The following EXD2 variants were observed in gnomAD, a reference collection of about 807,000 sequenced individuals.
EXD2 encodes exonuclease 3'-5' domain-containing protein 2.
A neutral mutation model predicts 62.5 loss-of-function variants in EXD2; 40 were observed. The observed-to-expected ratio is 0.64, with a 90% CI of 0.50 to 0.83. The LOEUF is 0.83. Among genes scored for constraint, EXD2 ranks in the 40% least tolerant of loss-of-function variants. The probability of loss-of-function intolerance (pLI) is 0.00; values close to 1 mark genes in which losing one functional copy is unlikely to be tolerated. For missense variants in EXD2, 671 were observed against 761.8 expected, an observed-to-expected ratio of 0.88 and a Z score of 1.40; for synonymous variants, 239 against 291.9, an observed-to-expected ratio of 0.82 and a Z score of 1.85.
intron 1 of EXD2, among the ~76,000 whole-genome samples, chr14:69,199,666 T>C (rs2042323674): frequency 6.6e-6 from 1 of 152,134 alleles, no homozygotes; most frequent in South Asian, 2.1e-4. Context: ...ACATTCATGT[T>C]AGCTTAGACA....
Position 69,243,194 on chromosome 14 carries a change from A to C in EXD2, c.*2094A>C, listed in dbSNP as rs900468126. ...CTTTGAACTTTAGCAGGCTTTTCCT[A>C]AGACTGACAATTGTCGTCTTAAATC... On this transcript the variant is annotated 3_prime_UTR_variant, in exon 10 of 10. Transcript: ENST00000685843. 1 of 152,206 alleles carries C rather than the reference A, an allele frequency of 6.6e-6. No homozygotes were observed. The highest frequency in any genetic ancestry group is 6.5e-5 in the Admixed American group (1 of 15,274). 9.4% of individuals were successfully genotyped at this position (152,206 alleles called of 1,614,324 possible).
At chr14:69,204,541 A>G (rs2140214824) in intron 2 of EXD2, among the ~76,000 whole-genome samples, 1 of 152,250 alleles carries the variant, frequency 6.6e-6, no homozygotes, top group African/African-American at 2.4e-5. Context: ...TGGGCAACAG[A>G]GTGAAACTCT....
intron 1 of EXD2, among the ~76,000 whole-genome samples, chr14:69,200,717 A>C (rs905413445): frequency 1.3e-5 from 2 of 151,760 alleles, no homozygotes; most frequent in African/African-American, 4.8e-5. Context: ...TCCAAAAAAA[A>C]AAAGGCTAAA....
chr14:69,200,078 T>A (rs1195413179), intron 1 of EXD2, among the ~76,000 whole-genome samples: 1 of 152,174 alleles, frequency 6.6e-6, no homozygotes, highest in Non-Finnish European at 1.5e-5. Context: ...CACTAGGCAA[T>A]AGGAATTTTT....
At chr14:69,237,137 AC>A (rs1354402138) in intron 8 of EXD2, among the ~76,000 whole-genome samples, 4 of 152,218 alleles carry the variant, frequency 2.6e-5, no homozygotes, top group Admixed American at 1.3e-4. Flanking sequence ...ATAATGATGA[AC>A]CTGGTGAACC....
At chr14:69,192,146 A>G (rs970505458) in intron 1 of EXD2, 1 of 152,154 alleles carries the variant, frequency 6.6e-6, no homozygotes, top group Non-Finnish European at 1.5e-5. Context: ...GATGGATCAA[A>G]ACTAAGAACC....
chr14:69,220,258 T>TTTG (rs2043131661), intron 3 of EXD2, among the ~76,000 whole-genome samples: 12 of 31,210 alleles, frequency 3.8e-4, no homozygotes, highest in African/African-American at 8.7e-4. Context: ...TCTCTGTTTT[T>TTTG]TTTTTTTTTT....
intron 1 of EXD2, among the ~76,000 whole-genome samples, chr14:69,201,223 C>A (rs555316434): frequency 2.0e-5 from 3 of 152,020 alleles, no homozygotes; most frequent in Admixed American, 2.0e-4. Flanking sequence ...GAGTCTTACT[C>A]TGTCCCCCAG....
intron 3 of EXD2, 127 bp from the exon 4 acceptor site, chr14:69,228,689 A>G: frequency 1.6e-6 from 2 of 1,285,760 alleles, no homozygotes; most frequent in Non-Finnish European, 2.1e-6. Flanking sequence ...GATGCAAACC[A>G]AAACCTGGTC....
intron 1 of EXD2, among the ~76,000 whole-genome samples, chr14:69,194,794 GATT>G (rs1317367353): frequency 3.3e-5 from 5 of 152,140 alleles, no homozygotes; most frequent in Admixed American, 6.5e-5. Context: ...ACTCCATCAT[GATT>G]ATTATTTTAT....
chr14:69,228,877 T>G lies in EXD2; in HGVS notation c.395T>G (p.Leu132Arg). The change falls in exon 4 of 10, where the codon CTG becomes CGG. Residue 132 changes from leucine to arginine, a missense_variant. Physicochemically the swap from Leu to Arg is moderately radical, Grantham distance 102. Transcript: ENST00000685843. Reference sequence around the variant, plus strand: ...CTACAAATGGCCTCCCCAAGTGGCCTGTGTGTCTTGGTTCGCCTGCCCAAG... The same window carrying G: ...CTACAAATGGCCTCCCCAAGTGGCCGGTGTGTCTTGGTTCGCCTGCCCAAG... The part of the protein sequence containing the change: ...SLLQMASPSG[L>R]CVLVRLPKLI... The G allele has an allele frequency of 1.2e-6, 2 of 1,614,202 alleles. No individual in the cohort carries two copies. The highest frequency in any genetic ancestry group is 3.3e-4 in the Middle Eastern group (2 of 6,062).
intron 7 of EXD2, 43 bp downstream of exon 7, chr14:69,236,195 T>C: frequency 6.4e-7 from 1 of 1,565,014 alleles, no homozygotes; most frequent in Non-Finnish European, 8.8e-7. Flanking sequence ...ATTAGGTGCA[T>C]TGGATGCTGG....
chr14:69,194,219 A>T (rs1594711048), intron 1 of EXD2, among the ~76,000 whole-genome samples: 2 of 149,730 alleles, frequency 1.3e-5, no homozygotes, highest in South Asian at 2.1e-4. Flanking sequence ...GCTCACTGCA[A>T]CCTCTGCCTC....
Position 69,237,618 on chromosome 14 carries a change from G to A in EXD2, c.1336G>A (p.Glu446Lys), listed in dbSNP as rs753418619. Residue 446 changes from glutamate to lysine, a missense_variant, in exon 9 of 10, where the codon GAG becomes AAG. Glu to Lys is a moderately conservative substitution (Grantham distance 56). Coordinates refer to ENST00000685843, the MANE Select transcript of EXD2 (RefSeq NM_001193360.2). ...TGAGTACCGGAAGCACTTCCCCATCGAGATGAAGGACCACAACTCCCACGA... is the reference window on the plus strand; with the variant it reads ...TGAGTACCGGAAGCACTTCCCCATCAAGATGAAGGACCACAACTCCCACGA... ...PHEYRKHFPI[E>K]MKDHNSHDVL... 7.4e-6 allele frequency: 12 copies of A among 1,613,986 alleles called. No individual in the cohort carries two copies. The highest frequency in any genetic ancestry group is 1.6e-4 in the Middle Eastern group (1 of 6,084).
intron 1 of EXD2, among the ~76,000 whole-genome samples, chr14:69,193,055 T>TCA (rs1205584218): frequency 6.8e-6 from 1 of 146,426 alleles, no homozygotes; most frequent in Non-Finnish European, 1.5e-5. Flanking sequence ...CTCCATTCTC[T>TCA]CTCTCTTTTT....
chr14:69,202,847 G>T (rs977961518), intron 1 of EXD2, among the ~76,000 whole-genome samples: 19 of 152,120 alleles, frequency 1.2e-4, no homozygotes, highest in African/African-American at 4.6e-4. Context: ...AAGGATTTTT[G>T]ATTTAAGTAC....
At chr14:69,240,847 G>T in intron 9 of EXD2, 37 bp from the exon 10 acceptor site, 1 of 1,589,782 alleles carries the variant, frequency 6.3e-7, no homozygotes, top group Non-Finnish European at 8.6e-7. Context: ...TCCTGCGCTT[G>T]TTTCCCTCAG....
intron 3 of EXD2, among the ~76,000 whole-genome samples, chr14:69,222,569 T>C (rs2043221966): frequency 6.6e-6 from 1 of 152,238 alleles, no homozygotes; most frequent in Non-Finnish European, 1.5e-5. Flanking sequence ...TTCTGATTCC[T>C]GTTTTACCTG....
At chr14:69,195,074 G>T (rs993606165) in intron 1 of EXD2, among the ~76,000 whole-genome samples, 7 of 152,224 alleles carry the variant, frequency 4.6e-5, no homozygotes, top group East Asian at 3.9e-4. Context: ...AAAATTAGCC[G>T]GGCGTGATGG....
Sources: gnomAD v4.1 joint callset for allele counts (sites outside exome capture counted in the v4.1 genomes callset) on GRCh38, gnomAD v4.1.1 for gene constraint, MANE v1.5 for transcripts, NCBI Gene and HGNC (gene_info 2026-07-23, HGNC 2026-07-21) for gene names.